The following CFAP61 variants were observed in gnomAD, a reference collection of about 807,000 sequenced individuals.
CFAP61 encodes cilia- and flagella-associated protein 61.
In CFAP61, 107 loss-of-function variants were observed where a neutral mutation model predicts 135.6. That is an observed-to-expected ratio of 0.79 (90% CI 0.67 to 0.93). CFAP61 has a LOEUF of 0.93. Among genes scored for constraint, CFAP61 ranks in the 40% least tolerant of loss-of-function variants. The pLI, the probability that CFAP61 is intolerant of heterozygous loss-of-function variation, is 0.00. For missense variants in CFAP61, 1,507 were observed against 1,556.2 expected (o/e 0.97, Z 0.53); for synonymous variants, 575 against 578.5 (o/e 0.99, Z 0.09).
chr20:20,098,519 G>A, intron 7 of CFAP61, 136 bp from the exon 8 acceptor site: 1 of 698,684 alleles, frequency 1.4e-6, no homozygotes, highest in South Asian at 2.3e-5. Flanking sequence ...CTGGGGAGAA[G>A]AATTGCTTGA....
At chr20:20,081,244 T>C (rs772982785) in intron 6 of CFAP61, among the ~76,000 whole-genome samples, 12 of 152,214 alleles carry the variant, frequency 7.9e-5, no homozygotes, top group South Asian at 2.1e-4. Context: ...GGGATAGATA[T>C]GAGTTACTTA....
At chr20:20,266,067 G>A (rs778343378) in intron 21 of CFAP61, among the ~76,000 whole-genome samples, 1 of 152,208 alleles carries the variant, frequency 6.6e-6, no homozygotes, top group Admixed American at 6.5e-5. Context: ...CAAAGAGTAG[G>A]ATCCAGTGTG....
At chr20:20,084,661 C>G (rs2046670292) in intron 6 of CFAP61, among the ~76,000 whole-genome samples, 1 of 152,184 alleles carries the variant, frequency 6.6e-6, no homozygotes, top group African/African-American at 2.4e-5. Context: ...AGGGAGAGTT[C>G]TGCATGTTCT....
At chr20:20,071,957 T>A (rs1432018811) in intron 3 of CFAP61, among the ~76,000 whole-genome samples, 1 of 152,162 alleles carries the variant, frequency 6.6e-6, no homozygotes, top group Non-Finnish European at 1.5e-5. Context: ...TTTACAATTC[T>A]GTAGGAATGG....
At chr20:20,276,541 G>A (rs1393018835) in intron 21 of CFAP61, among the ~76,000 whole-genome samples, 2 of 152,198 alleles carry the variant, frequency 1.3e-5, no homozygotes, top group Non-Finnish European at 2.9e-5. Flanking sequence ...AGGGAAATCT[G>A]TCAAGATTAT....
chr20:20,209,648 A>T (rs2047488673), intron 17 of CFAP61, among the ~76,000 whole-genome samples: 1 of 152,110 alleles, frequency 6.6e-6, no homozygotes, highest in Non-Finnish European at 1.5e-5. Context: ...ACCTGATGGG[A>T]GTAAAAGTAA....
Position 20,298,206 on chromosome 20 carries a change from C to G in CFAP61, c.3242C>G (p.Ala1081Gly), listed in dbSNP as rs189288996. The G allele has an allele frequency of 1.8e-4, 297 of 1,613,818 alleles. No homozygotes were observed. The highest frequency in any genetic ancestry group is 2.8e-4 in the Admixed American group (17 of 60,020). ...GGTTTAGAACTAGTAACCGGCAGTG[C>G]GAAAAATGGGACTTACTTCCGAATT... ...NYGLELVTGS[A>G]KNGTYFRIHI... The change falls in exon 25 of 27, where the codon GCG becomes GGG. Residue 1081 changes from alanine (A) to glycine (G), a missense_variant. Coordinates refer to ENST00000245957, the MANE Select transcript of CFAP61 (RefSeq NM_015585.4).
At chr20:20,257,631 A>C (rs1192815641) in intron 20 of CFAP61, among the ~76,000 whole-genome samples, 2 of 151,286 alleles carry the variant, frequency 1.3e-5, no homozygotes, top group Admixed American at 6.6e-5. Context: ...AAAAAAACAA[A>C]AAAAAAAAAG....
At chr20:20,085,542 A>G (rs1368707899) in intron 6 of CFAP61, 1 of 1,365,834 alleles carries the variant, frequency 7.3e-7, no homozygotes, top group Non-Finnish European at 9.8e-7. Flanking sequence ...TTGAGGTATG[A>G]TTATGGATAA....
chr20:20,267,187 G>C (rs2147020662), intron 21 of CFAP61, among the ~76,000 whole-genome samples: 1 of 152,090 alleles, frequency 6.6e-6, no homozygotes, highest in East Asian at 1.9e-4. Context: ...TCTTGAAGAG[G>C]GACAGGATAA....
intron 15 of CFAP61, among the ~76,000 whole-genome samples, chr20:20,191,784 T>C (rs1253575662): frequency 6.7e-6 from 1 of 149,326 alleles, no homozygotes; most frequent in African/African-American, 2.4e-5. Context: ...TTATTACATA[T>C]ATCGTGTGTG....
At chr20:20,061,079 A>G (rs2044761968) in intron 2 of CFAP61, among the ~76,000 whole-genome samples, 1 of 152,226 alleles carries the variant, frequency 6.6e-6, no homozygotes, top group Admixed American at 6.5e-5. Context: ...GTGGTTTATT[A>G]CACATCAGTT....
At position 20,360,427 on chromosome 20, in the gene CFAP61, C is replaced by T; in HGVS notation, c.*17C>T. ...ATCGTTTAGTTGTAGGCAGGGTCTC[C>T]CCTTTATGGTTTTCATTTATTTAGT... On this transcript the variant is annotated 3_prime_UTR_variant, in exon 27 of 27. Coordinates refer to ENST00000245957, the MANE Select transcript of CFAP61 (RefSeq NM_015585.4). The T allele has an allele frequency of 6.2e-7, 1 of 1,607,692 alleles. No homozygotes were observed. The highest frequency in any genetic ancestry group is 1.1e-5 in the South Asian group (1 of 90,304).
chr20:20,081,627 G>T (rs1267901019), intron 6 of CFAP61, among the ~76,000 whole-genome samples: 1 of 152,104 alleles, frequency 6.6e-6, no homozygotes, highest in Non-Finnish European at 1.5e-5. Context: ...TTATGGTTTG[G>T]TCTCCCTTTC....
At chr20:20,333,420 A>G (rs1286597418) in intron 25 of CFAP61, among the ~76,000 whole-genome samples, 2 of 152,210 alleles carry the variant, frequency 1.3e-5, no homozygotes, top group Non-Finnish European at 2.9e-5. Context: ...GGGTAAAAAG[A>G]AAAAGGACAT....
chr20:20,130,341 C>G (rs2050416086), intron 8 of CFAP61, among the ~76,000 whole-genome samples: 1 of 151,592 alleles, frequency 6.6e-6, no homozygotes, highest in African/African-American at 2.4e-5. Context: ...ATTTTGAATT[C>G]TTGATCATAG....
At chr20:20,344,938 G>C (rs1384068477) in intron 26 of CFAP61, among the ~76,000 whole-genome samples, 1 of 152,138 alleles carries the variant, frequency 6.6e-6, no homozygotes, top group African/African-American at 2.4e-5. Context: ...AGGAAATCCT[G>C]TCATTTGCAA....
intron 2 of CFAP61, among the ~76,000 whole-genome samples, chr20:20,070,173 C>T (rs2146565641): frequency 6.6e-6 from 1 of 152,322 alleles, no homozygotes. Flanking sequence ...GCCTGCTTCT[C>T]CTCTCTTCGC....
At chr20:20,337,322 A>G (rs796087400) in intron 25 of CFAP61, among the ~76,000 whole-genome samples, 2,299 of 13,674 alleles carry the variant, frequency 0.17, 800 homozygotes, top group South Asian at 0.47. Flanking sequence ...GGATGGATGG[A>G]TGGATGGATG....
Sources: gnomAD v4.1 joint callset for allele counts (sites outside exome capture counted in the v4.1 genomes callset) on GRCh38, gnomAD v4.1.1 for gene constraint, MANE v1.5 for transcripts, NCBI Gene and HGNC (gene_info 2026-07-23, HGNC 2026-07-21) for gene names.